ARGLU1: variants seen among roughly 807,000 people sequenced by gnomAD.
ARGLU1 encodes arginine and glutamate rich 1.
ARGLU1 carries 9 observed loss-of-function variants against 37.6 expected under a neutral mutation model. The ratio of observed to expected loss-of-function variants is 0.24; its 90% CI spans 0.14 to 0.42. The LOEUF is 0.42. Ranked by LOEUF, ARGLU1 falls within the 10% of genes least tolerant of loss-of-function variation. The pLI is 1.00. For synonymous variants in ARGLU1, 166 were observed against 138.5 expected, an observed-to-expected ratio of 1.20 and a Z score of -1.39; for missense variants, 211 against 359.2, an observed-to-expected ratio of 0.59 and a Z score of 3.34.
chr13:106,557,239 C>G lies in ARGLU1; in HGVS notation c.574-108G>C. 1 of 949,096 alleles carries G rather than the reference C, an allele frequency of 1.1e-6. No individual in the cohort carries two copies. The highest frequency in any genetic ancestry group is 1.6e-6 in the Non-Finnish European group (1 of 626,784). The allele number at this position is 949,096 out of a possible 1,614,324, so 58.8% of individuals were successfully genotyped here. A position where few individuals can be genotyped will look rare whatever the true frequency, so the allele number is the denominator to read the frequency against. On this transcript the variant is annotated intron_variant, in intron 2 of 3. Coordinates refer to ENST00000400198, the MANE Select transcript of ARGLU1 (RefSeq NM_018011.4). This position sits in a 1 kb window ranked among gnomAD's most constrained non-coding sequence, Gnocchi z 5.0. ...TTTTTTGATATGACTTACAGGGTAG[C>G]TTTATAGCTACCTTCTGTCTGACAA... is the stretch of plus-strand genomic sequence containing the variant.
intron 3 of ARGLU1, among the ~76,000 whole-genome samples, chr13:106,552,428 T>C (rs1880555505): frequency 6.6e-6 from 1 of 152,242 alleles, no homozygotes; most frequent in Non-Finnish European, 1.5e-5. Flanking sequence ...TCTATTATTA[T>C]AGTTTAGGCG....
At chr13:106,558,566 CT>C in intron 2 of ARGLU1, 1 of 985,382 alleles carries the variant, frequency 1.0e-6, no homozygotes, top group Non-Finnish European at 1.2e-6. Context: ...AGTAATTTGC[CT>C]TGAGTGTTTC....
chr13:106,555,598 G>A (rs1324943002), intron 3 of ARGLU1, among the ~76,000 whole-genome samples: 1 of 151,882 alleles, frequency 6.6e-6, no homozygotes, highest in African/African-American at 2.4e-5. Flanking sequence ...AGACAAACTG[G>A]GATTAAAAAA....
rs1880302286 is a variant in ARGLU1, at chr13:106,543,102, T to C, written c.*894A>G. The C allele has an allele frequency of 2.6e-5, 4 of 152,216 alleles. 1 individual carries two copies. The South Asian group carries it at 8.3e-4, about 32-fold the overall frequency. 9.4% of individuals were successfully genotyped at this position (152,216 alleles called of 1,614,324 possible). A position where few individuals can be genotyped will look rare whatever the true frequency, so the allele number is the denominator to read the frequency against. On this transcript the variant is annotated 3_prime_UTR_variant, in exon 4 of 4. Transcript: ENST00000400198. ...TCTTCTGGATGTTGTTAGTCTTTCT[T>C]AAAGGTAACACTGATGCCATTTGCT...
chr13:106,556,283 G>A (rs1880659912), intron 3 of ARGLU1, among the ~76,000 whole-genome samples: 1 of 152,154 alleles, frequency 6.6e-6, no homozygotes, highest in South Asian at 2.1e-4. Context: ...AGAATCCATT[G>A]TGCCATGCTC....
In ARGLU1 at chr13:106,567,478, A is replaced by G. The variant is rs770063788; in HGVS notation, c.347+95T>C. 434 of 818,760 alleles carry G rather than the reference A, an allele frequency of 5.3e-4. No individual in the cohort carries two copies. The highest frequency in any genetic ancestry group is 8.3e-4 in the Admixed American group (25 of 30,020). 50.7% of individuals were successfully genotyped at this position (818,760 alleles called of 1,614,324 possible). On this transcript the variant is annotated intron_variant, in intron 1 of 3. Coordinates refer to ENST00000400198, the MANE Select transcript of ARGLU1 (RefSeq NM_018011.4). This position sits in a 1 kb window ranked among gnomAD's most constrained non-coding sequence, Gnocchi z 4.3. The stretch of plus-strand genomic sequence containing the variant: ...TCCCCAGCCCCGGACCGTCCCCGCC[A>G]TTCTCCCGGCCCGCACCGTCCCGCC...
intron 1 of ARGLU1, among the ~76,000 whole-genome samples, chr13:106,562,276 TGAAG>T (rs1305503399): frequency 6.6e-6 from 1 of 152,218 alleles, no homozygotes; most frequent in East Asian, 1.9e-4. Flanking sequence ...GAAACAATGC[TGAAG>T]GAAAGCTCAA....
At chr13:106,558,034 T>A in intron 2 of ARGLU1, 1 of 985,396 alleles carries the variant, frequency 1.0e-6, no homozygotes. Context: ...TGAAGACTGC[T>A]TGATGGCTTG....
intron 1 of ARGLU1, among the ~76,000 whole-genome samples, chr13:106,563,938 T>C (rs997439110): frequency 6.6e-6 from 1 of 152,218 alleles, no homozygotes; most frequent in Non-Finnish European, 1.5e-5. Flanking sequence ...CCATTAACAT[T>C]TTCCTGATTT....
chr13:106,556,685 CAAAGTAAAATG>C, intron 3 of ARGLU1, among the ~76,000 whole-genome samples: 1 of 152,082 alleles, frequency 6.6e-6, no homozygotes. Context: ...CCAACTAATA[CAAAGTAAAATG>C]CTGCATATTA....
intron 3 of ARGLU1, among the ~76,000 whole-genome samples, chr13:106,552,792 A>G (rs1880563696): frequency 1.3e-5 from 2 of 152,344 alleles, no homozygotes; most frequent in South Asian, 4.1e-4. Context: ...AGAACAAAGA[A>G]CAATCTGCCA....
intron 3 of ARGLU1, among the ~76,000 whole-genome samples, chr13:106,554,051 C>A (rs1880598891): frequency 6.6e-6 from 1 of 152,138 alleles, no homozygotes; most frequent in Non-Finnish European, 1.5e-5. Flanking sequence ...TTCCACCTAC[C>A]CATCAGGGCC....
intron 1 of ARGLU1, among the ~76,000 whole-genome samples, chr13:106,562,996 AAAAAAAAAAAAAC>A (rs1481191947): frequency 2.3e-5 from 3 of 130,048 alleles, no homozygotes; most frequent in Non-Finnish European, 4.8e-5. Flanking sequence ...GTCTCAAAAA[AAAAAAAAAAAAAC>A]AAAAAAAAAA....
chr13:106,542,577 T>A lies in ARGLU1; in HGVS notation c.*1419A>T, dbSNP rs1245265662. On this transcript the variant is annotated 3_prime_UTR_variant, in exon 4 of 4. Coordinates refer to ENST00000400198, the MANE Select transcript of ARGLU1 (RefSeq NM_018011.4). ...TTCCTAGCATGCACACACAAAATAA[T>A]CTACCATTTAGTCATCTCTTTAGCT... 4 of 152,096 alleles carry A rather than the reference T, an allele frequency of 2.6e-5. No individual in the cohort carries two copies. Among genetic ancestry groups the A allele is most frequent in the African/African-American group, 9.7e-5 (4 of 41,428 alleles). 9.4% of individuals were successfully genotyped at this position (152,096 alleles called of 1,614,324 possible).
intron 3 of ARGLU1, among the ~76,000 whole-genome samples, chr13:106,554,182 G>T (rs1880601319): frequency 6.6e-6 from 1 of 152,062 alleles, no homozygotes; most frequent in South Asian, 2.1e-4. Context: ...ACTTTTTTTG[G>T]AGTTGTCTTT....
chr13:106,556,347 T>C (rs1325689555), intron 3 of ARGLU1, among the ~76,000 whole-genome samples: 1 of 152,254 alleles, frequency 6.6e-6, no homozygotes, highest in Non-Finnish European at 1.5e-5. Flanking sequence ...GTACTCTATT[T>C]TTCAGAAGAT....
At chr13:106,559,200 T>C in intron 2 of ARGLU1, 1 of 1,486,210 alleles carries the variant, frequency 6.7e-7, no homozygotes, top group Non-Finnish European at 9.0e-7. Flanking sequence ...GCCAGTTCCA[T>C]TAAATCAAAA....
At chr13:106,563,655 T>G (rs1337926276) in intron 1 of ARGLU1, among the ~76,000 whole-genome samples, 1 of 152,132 alleles carries the variant, frequency 6.6e-6, no homozygotes, top group African/African-American at 2.4e-5. Context: ...AATAAATAAA[T>G]AAATGAATAC....
chr13:106,555,602 TA>T (rs1004720883), intron 3 of ARGLU1, among the ~76,000 whole-genome samples: 5 of 152,202 alleles, frequency 3.3e-5, no homozygotes, highest in Non-Finnish European at 7.3e-5. Flanking sequence ...AAACTGGGAT[TA>T]AAAAACAAAA....
Sources: allele counts gnomAD v4.1 joint callset (sites outside exome capture counted in the v4.1 genomes callset), GRCh38; gene constraint gnomAD v4.1.1; non-coding constraint Gnocchi (gnomAD v3.1); transcripts MANE v1.5; gene names NCBI Gene and HGNC (gene_info 2026-07-23, HGNC 2026-07-21).